The following MPDZ variants were observed in gnomAD, a reference collection of about 807,000 sequenced individuals.
The protein encoded by MPDZ is multiple PDZ domain crumbs cell polarity complex component, also known as multiple PDZ domain protein.
MPDZ carries 234 observed loss-of-function variants against 239.1 expected under a neutral mutation model. The ratio of observed to expected loss-of-function variants is 0.98; its 90% CI spans 0.88 to 1.09. The LOEUF (loss-of-function observed/expected upper bound fraction) is 1.09. Ranked by LOEUF, MPDZ falls within the 50% of genes least tolerant of loss-of-function variation. The probability of loss-of-function intolerance (pLI) is 0.00; values close to 1 mark genes in which losing one functional copy is unlikely to be tolerated. For missense variants in MPDZ, 3,175 were observed against 2,510.0 expected (o/e 1.26, Z -5.66); for synonymous variants, 1,048 against 881.3 (o/e 1.19, Z -3.35).
chr9:13,219,083 A>T (rs545192426), intron 8 of MPDZ, among the ~76,000 whole-genome samples: 1 of 152,074 alleles, frequency 6.6e-6, no homozygotes, highest in African/African-American at 2.4e-5. Flanking sequence ...AAAAGGTTTT[A>T]GTAAGCCTTA....
At chr9:13,248,905 G>A (rs1967057934) in intron 2 of MPDZ, among the ~76,000 whole-genome samples, 1 of 141,956 alleles carries the variant, frequency 7.0e-6, no homozygotes, top group South Asian at 2.3e-4. Context: ...CTCAAGAGGT[G>A]GAAGTTGCAG....
chr9:13,222,364 T>G lies in MPDZ; in HGVS notation c.616A>C (p.Ile206Leu). 6.2e-7 allele frequency: 1 copy of G among 1,612,826 alleles called. No individual in the cohort carries two copies. Among genetic ancestry groups the G allele is most frequent in the Non-Finnish European group, 8.5e-7 (1 of 1,179,124 alleles). Reference sequence around the variant, plus strand: ...TCTTTGGCTTTCTGCAGGATGCTGATAGCCTGCTGATGTGTAATTGTCTGA... The same window carrying G: ...TCTTTGGCTTTCTGCAGGATGCTGAGAGCCTGCTGATGTGTAATTGTCTGA... ...LDQTITHQQAISILQKAKDTV... is the reference protein window; with the variant it reads ...LDQTITHQQALSILQKAKDTV... The change falls in exon 6 of 47, where the codon ATC (isoleucine) becomes CTC (leucine). Residue 206 changes from isoleucine (I) to leucine (L), a missense_variant. Transcript: ENST00000319217.
chr9:13,216,411 C>T (rs1405054277), intron 10 of MPDZ, among the ~76,000 whole-genome samples: 1 of 151,038 alleles, frequency 6.6e-6, no homozygotes, highest in Non-Finnish European at 1.5e-5. Context: ...GCAGGCATCC[C>T]TAATTCATAT....
At chr9:13,262,973 G>T (rs1971020398) in intron 1 of MPDZ, among the ~76,000 whole-genome samples, 1 of 152,152 alleles carries the variant, frequency 6.6e-6, no homozygotes, top group Admixed American at 6.6e-5. Flanking sequence ...TGGACAAATG[G>T]AAGGAGTAGC....
chr9:13,234,577 T>C (rs1004333713), intron 3 of MPDZ, among the ~76,000 whole-genome samples: 1 of 151,848 alleles, frequency 6.6e-6, no homozygotes, highest in Non-Finnish European at 1.5e-5. Context: ...ATACTTATGT[T>C]TGATGGATAT....
intron 27 of MPDZ, among the ~76,000 whole-genome samples, chr9:13,140,499 G>GTA (rs1422961250): frequency 6.1e-5 from 9 of 147,738 alleles, no homozygotes; most frequent in East Asian, 2.0e-4. Flanking sequence ...ATATATCTAT[G>GTA]TATATATATA....
At chr9:13,270,204 T>C (rs768769413) in intron 1 of MPDZ, among the ~76,000 whole-genome samples, 3 of 152,220 alleles carry the variant, frequency 2.0e-5, no homozygotes, top group Non-Finnish European at 2.9e-5. Flanking sequence ...AACCAACTTT[T>C]ACTTTCGTAA....
intron 10 of MPDZ, among the ~76,000 whole-genome samples, chr9:13,210,413 TAAGAGG>T (rs1012259455): frequency 4.5e-5 from 6 of 133,332 alleles, no homozygotes; most frequent in African/African-American, 1.5e-4. Context: ...AAGAAAAACT[TAAGAGG>T]AAGTTTTTTT....
At chr9:13,260,839 A>T (rs1227465573) in intron 1 of MPDZ, among the ~76,000 whole-genome samples, 1 of 152,178 alleles carries the variant, frequency 6.6e-6, no homozygotes, top group Non-Finnish European at 1.5e-5. Context: ...AATACCATGA[A>T]AATAAATTTC....
chr9:13,223,917 CCAGATACT>C (rs1409336605), intron 4 of MPDZ, among the ~76,000 whole-genome samples: 1 of 151,616 alleles, frequency 6.6e-6, no homozygotes, highest in East Asian at 1.9e-4. Flanking sequence ...ATCTATAGTC[CCAGATACT>C]CAGGAGACTG....
rs375573563 is a variant in MPDZ at position 13,192,180 on chromosome 9, T to A, written c.1919A>T (p.Gln640Leu). Residue 640 changes from glutamine to leucine, a missense_variant, in exon 15 of 47, where the codon CAA (glutamine) becomes CTA (leucine). Physicochemically the swap from Gln to Leu is moderately radical, Grantham distance 113 (BLOSUM62 -2). Coordinates refer to ENST00000319217, the MANE Select transcript of MPDZ (RefSeq NM_001378778.1). ...CCRRTVPPTT[Q>L]SELDSLDLCD... is the part of the protein sequence containing the mutation. ...TAAGTCCAGGCTATCCAATTCTGATTGGGTGGTGGGTGGCACAGTTCGACG... is the reference window on the plus strand; with the variant it reads ...TAAGTCCAGGCTATCCAATTCTGATAGGGTGGTGGGTGGCACAGTTCGACG... 8.1e-6 allele frequency: 13 copies of A among 1,610,976 alleles called. No individual in the cohort carries two copies. The highest frequency in any genetic ancestry group is 2.7e-5 in the African/African-American group (2 of 74,872).
intron 42 of MPDZ, 95 bp from the exon 43 acceptor site, chr9:13,112,241 T>C (rs1942613994): frequency 7.9e-7 from 1 of 1,261,278 alleles, no homozygotes; most frequent in African/African-American, 1.5e-5. Context: ...CAACTCTGAT[T>C]TTCTAAGTGT....
At chr9:13,143,404 G>T in intron 27 of MPDZ, 62 bp downstream of exon 27, 1 of 1,259,532 alleles carries the variant, frequency 7.9e-7, no homozygotes, top group Non-Finnish European at 1.2e-6. Context: ...AGACACAGTA[G>T]TAACAAAGAA....
intron 1 of MPDZ, among the ~76,000 whole-genome samples, chr9:13,260,414 T>C (rs1280848283): frequency 6.6e-6 from 1 of 152,168 alleles, no homozygotes; most frequent in East Asian, 1.9e-4. Flanking sequence ...GGGCTTTGGT[T>C]ACTGATGGAT....
intron 24 of MPDZ, among the ~76,000 whole-genome samples, chr9:13,153,170 G>A (rs1385796718): frequency 6.6e-6 from 1 of 152,080 alleles, no homozygotes; most frequent in African/African-American, 2.4e-5. Context: ...GGCTGGGAAT[G>A]AAAGAGCACC....
chr9:13,167,835 T>C (rs1951270252), intron 22 of MPDZ, among the ~76,000 whole-genome samples: 1 of 152,108 alleles, frequency 6.6e-6, no homozygotes, highest in Non-Finnish European at 1.5e-5. Flanking sequence ...CAAAATATCC[T>C]CCATGACCTA....
At chr9:13,253,621 A>AT in intron 1 of MPDZ, among the ~76,000 whole-genome samples, 1 of 152,314 alleles carries the variant, frequency 6.6e-6, no homozygotes, top group East Asian at 1.9e-4. Context: ...TACCTGAGTG[A>AT]TAACAGTGGG....
At chr9:13,223,427 T>A (rs1252036195) in intron 5 of MPDZ, 144 bp downstream of exon 5, 9 of 882,750 alleles carry the variant, frequency 1.0e-5, no homozygotes, top group Non-Finnish European at 1.3e-5. Flanking sequence ...CACAACAATG[T>A]TAATGACTTC....
chr9:13,127,921 C>G (rs763037012), intron 32 of MPDZ, among the ~76,000 whole-genome samples: 1 of 152,160 alleles, frequency 6.6e-6, no homozygotes, highest in Non-Finnish European at 1.5e-5. Context: ...ATTTTCTTAT[C>G]TACAAAATGG....
Sources: allele counts gnomAD v4.1 joint callset (sites outside exome capture counted in the v4.1 genomes callset), GRCh38; gene constraint gnomAD v4.1.1; transcripts MANE v1.5; gene names NCBI Gene and HGNC (gene_info 2026-07-23, HGNC 2026-07-21).